JADE3: variants seen among roughly 807,000 people sequenced by gnomAD.
JADE3 encodes the protein jade family PHD finger 3.
In JADE3, 2 loss-of-function variants were observed where a neutral mutation model predicts 50.1. That is an observed-to-expected ratio of 0.04 (90% CI 0.02 to 0.13). The LOEUF (loss-of-function observed/expected upper bound fraction) is 0.13, where lower values mean the gene tolerates loss of function less well. Ranked by LOEUF, JADE3 falls within the 10% of genes least tolerant of loss-of-function variation. The pLI is 1.00. For missense variants in JADE3, 475 were observed against 634.4 expected, an observed-to-expected ratio of 0.75 and a Z score of 2.70; for synonymous variants, 218 against 232.9, an observed-to-expected ratio of 0.94 and a Z score of 0.58.
Position 46,985,770 on chromosome X carries a change from A to G in JADE3, c.104A>G (p.Asn35Ser), listed in dbSNP as rs1602396194. The change falls in exon 3 of 11, where the codon AAT becomes AGT. Residue 35 changes from asparagine (N) to serine (S), a missense_variant. This residue lies in a region of JADE3 where 31 missense variants were observed against 29.3 expected (regional missense o/e 1.06). Transcript: ENST00000614628. ...TATAGGATCAAGTCAAAAATTCCAA[A>G]TGAACACAAGAAACCTGCTGAGGTG... is the stretch of plus-strand genomic sequence containing the variant. ...SMYRIKSKIPNEHKKPAEVFR... is the reference protein window; with the variant it reads ...SMYRIKSKIPSEHKKPAEVFR... The G allele has an allele frequency of 8.4e-7, 1 of 1,195,056 alleles. No individual in the cohort carries two copies. The highest frequency in any genetic ancestry group is 3.0e-5 in the East Asian group (1 of 33,795).
intron 1 of JADE3, among the ~76,000 whole-genome samples, chrX:46,945,934 T>C (rs1926876820): frequency 9.0e-6 from 1 of 111,408 alleles, no homozygotes; most frequent in Admixed American, 9.6e-5. Context: ...CCTCCTGGTG[T>C]GTTCATCTCC....
chrX:47,006,739 C>G (rs372336908), intron 4 of JADE3, among the ~76,000 whole-genome samples: 14 of 110,402 alleles, frequency 1.3e-4, no homozygotes, highest in African/African-American at 4.6e-4. Context: ...TTTCTCTTAT[C>G]TAATGTAAGC....
In JADE3 at chrX:47,018,459, G is replaced by A. The variant is rs184881660; in HGVS notation, c.285-6265G>A. 1.6e-3 allele frequency among the ~76,000 whole-genome samples: 173 copies of A among 109,074 alleles called. 2 individuals carry two copies. The highest frequency in any genetic ancestry group is 0.014 in the Admixed American group (141 of 10,188). 94.7% of individuals were successfully genotyped at this position (109,074 alleles called of 115,157 possible). ...TGCCATTCTCCTGCCTCAGCCTCCCGAGTAGCTGGGACTACAGGCACCTGC... is the reference window on the plus strand; with the variant it reads ...TGCCATTCTCCTGCCTCAGCCTCCCAAGTAGCTGGGACTACAGGCACCTGC... On this transcript the variant is annotated intron_variant, in intron 4 of 10. Coordinates refer to ENST00000614628, the MANE Select transcript of JADE3 (RefSeq NM_014735.5).
Position 47,033,677 on chromosome X carries a change from C to T in JADE3, c.744C>T (p.Val248=). 17 of 1,208,634 alleles carry T rather than the reference C, an allele frequency of 1.4e-5. No individual in the cohort carries two copies. The highest frequency in any genetic ancestry group is 1.9e-5 in the Non-Finnish European group (17 of 893,970). ...PEGSWLCRSC[V]LGIYPQCVLC... ...GCAGCTGGCTGTGTCGCTCCTGTGT[C>T]CTGGGCATTTATCCGCAATGTGTGT... The change falls in exon 7 of 11, where the codon GTC becomes GTT. Residue 248 remains valine (V), a synonymous_variant. Coordinates refer to ENST00000614628, the MANE Select transcript of JADE3 (RefSeq NM_014735.5).
intron 3 of JADE3, among the ~76,000 whole-genome samples, chrX:46,987,165 GT>G (rs1240171950): frequency 8.9e-6 from 1 of 112,300 alleles, no homozygotes; most frequent in Non-Finnish European, 1.9e-5. Flanking sequence ...TGAGGTTTCT[GT>G]TTTCCTTCTT....
intron 1 of JADE3, among the ~76,000 whole-genome samples, chrX:46,972,822 A>G (rs1229197668): frequency 2.7e-5 from 3 of 109,708 alleles, no homozygotes; most frequent in Non-Finnish European, 5.7e-5. Context: ...CTGGTCTCAA[A>G]CCCCTGATCT....
At chrX:46,923,393 C>CTCTT (rs1556338199) in intron 1 of JADE3, among the ~76,000 whole-genome samples, 1 of 11,523 alleles carries the variant, frequency 8.7e-5, no homozygotes, top group Non-Finnish European at 2.0e-4. Context: ...CTCTCTCTCT[C>CTCTT]TTTTTTTTTT....
At chrX:47,042,965 T>G (rs1247763931) in intron 8 of JADE3, among the ~76,000 whole-genome samples, 4 of 111,683 alleles carry the variant, frequency 3.6e-5, no homozygotes, top group African/African-American at 1.3e-4. Flanking sequence ...ATAGGGGTGC[T>G]TGTATTAGCC....
intron 1 of JADE3, among the ~76,000 whole-genome samples, chrX:46,963,308 A>G (rs928304989): frequency 9.9e-5 from 11 of 110,985 alleles, no homozygotes; most frequent in African/African-American, 3.6e-4. Flanking sequence ...CAAGTGCTTG[A>G]CCCATCTGTG....
chrX:46,924,722 T>C lies in JADE3; in HGVS notation c.-12+12003T>C, dbSNP rs1280440177. The stretch of plus-strand genomic sequence containing the variant: ...TTTCTCCCTGTTTTAGGCTTAAAAA[T>C]CCTCTATACCACTTAAACATTATAC... On this transcript the variant is annotated intron_variant, in intron 1 of 10. Transcript: ENST00000614628. Among the ~76,000 whole-genome samples the C allele has an allele frequency of 3.6e-5, 4 of 112,375 alleles. No individual in the cohort carries two copies. In the East Asian group the frequency reaches 1.1e-3, roughly 31 times the overall value.
rs1929735008 is a variant in JADE3 at position 47,060,233 on chromosome X, T to G, written c.*1156T>G. On this transcript the variant is annotated 3_prime_UTR_variant, in exon 11 of 11. Transcript: ENST00000614628. ...TTCTAGTAGGAAGAGAATAATTACA[T>G]TTGCGGGGGGGGGGGTGGATAAAAA... 1 of 73,265 alleles carries G rather than the reference T, an allele frequency of 1.4e-5. No homozygotes were observed. Among genetic ancestry groups the G allele is most frequent in the Non-Finnish European group, 2.4e-5 (1 of 41,688 alleles). 6.0% of individuals were successfully genotyped at this position (73,265 alleles called of 1,213,427 possible). A position where few individuals can be genotyped will look rare whatever the true frequency, so the allele number is the denominator to read the frequency against.
intron 1 of JADE3, among the ~76,000 whole-genome samples, chrX:46,954,798 G>GC (rs1371145736): frequency 5.4e-5 from 6 of 111,543 alleles, no homozygotes; most frequent in Non-Finnish European, 1.1e-4. Flanking sequence ...CAAGTGATCT[G>GC]CCCACCTTGG....
At chrX:47,046,531 A>G (rs1464803048) in intron 8 of JADE3, among the ~76,000 whole-genome samples, 1 of 112,124 alleles carries the variant, frequency 8.9e-6, no homozygotes, top group Non-Finnish European at 1.9e-5. Context: ...CTCATTCTAC[A>G]AAGCCAGTAT....
rs782430373 is a variant in JADE3, at chrX:46,970,166, G to T, written c.-11-14718G>T. Among the ~76,000 whole-genome samples the T allele has an allele frequency of 6.2e-5, 7 of 112,487 alleles. No homozygotes were observed. In the South Asian group the frequency reaches 1.8e-3, roughly 30 times the overall value. On this transcript the variant is annotated intron_variant, in intron 1 of 10. Transcript: ENST00000614628. Reference sequence around the variant, plus strand: ...CATATGATTCCCATGTGTAATGGGGGTTGAGAACCTCTGCTGGGGAGGCCA... The same window carrying T: ...CATATGATTCCCATGTGTAATGGGGTTTGAGAACCTCTGCTGGGGAGGCCA...
chrX:47,003,915 A>T (rs995638116), intron 4 of JADE3, among the ~76,000 whole-genome samples: 4 of 102,863 alleles, frequency 3.9e-5, no homozygotes, highest in Non-Finnish European at 7.8e-5. Context: ...ATAAATTTAT[A>T]AATTATTTAT....
At chrX:47,047,449 A>T (rs1929401237) in intron 8 of JADE3, among the ~76,000 whole-genome samples, 1 of 110,351 alleles carries the variant, frequency 9.1e-6, no homozygotes, top group South Asian at 3.9e-4. Flanking sequence ...TGGGAGGCTG[A>T]GACAGGAGAA....
intron 1 of JADE3, among the ~76,000 whole-genome samples, chrX:46,974,951 G>T (rs1246046113): frequency 1.8e-5 from 2 of 112,191 alleles, no homozygotes; most frequent in African/African-American, 6.5e-5. Flanking sequence ...TGCCTTGTAG[G>T]ATGTTTAACG....
At chrX:47,020,124 A>C (rs1556364026) in intron 4 of JADE3, among the ~76,000 whole-genome samples, 1 of 111,497 alleles carries the variant, frequency 9.0e-6, no homozygotes, top group Non-Finnish European at 1.9e-5. Flanking sequence ...TGAGGTCAGG[A>C]GTTTGAGACC....
At chrX:47,014,658 TC>T (rs1474471549) in intron 4 of JADE3, among the ~76,000 whole-genome samples, 4 of 111,980 alleles carry the variant, frequency 3.6e-5, no homozygotes, top group Non-Finnish European at 7.5e-5. Context: ...ATTTTTGAAA[TC>T]TACATATAGT....
Sources: allele counts gnomAD v4.1 joint callset (sites outside exome capture counted in the v4.1 genomes callset), GRCh38; gene constraint gnomAD v4.1.1; regional missense constraint gnomAD v4.1.1; transcripts MANE v1.5; gene names NCBI Gene and HGNC (gene_info 2026-07-23, HGNC 2026-07-21).